NTM: variants seen among roughly 807,000 people sequenced by gnomAD.
NTM encodes IgLON family member 2.
In NTM, 13 loss-of-function variants were observed where a neutral mutation model predicts 42.1. The ratio of observed to expected loss-of-function variants is 0.31; its 90% CI spans 0.20 to 0.49. NTM has a LOEUF of 0.49. NTM is among the 20% of genes least tolerant of loss of function. The pLI is 0.99. For synonymous variants in NTM, 187 were observed against 179.2 expected (o/e 1.04, Z -0.35); for missense variants, 373 against 452.8 (o/e 0.82, Z 1.60).
intron 1 of NTM, among the ~76,000 whole-genome samples, chr11:131,775,661 C>A (rs1388259763): frequency 1.3e-5 from 2 of 152,078 alleles, no homozygotes; most frequent in African/African-American, 4.8e-5. Flanking sequence ...TTAAGCAATT[C>A]TTGGTATATG....
At chr11:131,869,904 G>A (rs1344693301) in intron 1 of NTM, among the ~76,000 whole-genome samples, 1 of 152,186 alleles carries the variant, frequency 6.6e-6, no homozygotes, top group East Asian at 1.9e-4. Context: ...TGTTGGTACA[G>A]CTTTAAGTCA....
At chr11:132,025,098 C>A (rs1339404363) in intron 2 of NTM, among the ~76,000 whole-genome samples, 1 of 152,128 alleles carries the variant, frequency 6.6e-6, no homozygotes, top group Non-Finnish European at 1.5e-5. Flanking sequence ...GATTCAGCTA[C>A]AGAGGGGAGA....
At position 132,307,734 on chromosome 11, in the gene NTM, T is replaced by C; in HGVS notation, c.572T>C (p.Ile191Thr). The C allele has an allele frequency of 6.2e-7, 1 of 1,614,226 alleles. No homozygotes were observed. The highest frequency in any genetic ancestry group is 8.5e-7 in the Non-Finnish European group (1 of 1,180,034). ...GACGAATACTTGGAAATTCAGGGCA[T>C]CACCAGGGAGCAGTCAGGGGACTAC... ...SEDEYLEIQG[I>T]TREQSGDYEC... is the part of the protein sequence containing the mutation. Residue 191 changes from isoleucine (I) to threonine (T), a missense_variant, in exon 5 of 9, where the codon ATC (isoleucine) becomes ACC (threonine). Ile to Thr is a moderately conservative substitution (Grantham distance 89, BLOSUM62 -1). This residue lies in a region of NTM where 312 missense variants were observed against 353.5 expected (regional missense o/e 0.88). Coordinates refer to ENST00000683400, the MANE Select transcript of NTM (RefSeq NM_001352005.2).
rs1331644099 is a variant in NTM, at chr11:131,614,316, G to T, written c.82+243428G>T. ...CCATAAATGCCCCATGCCCAGAAGG[G>T]CCGTGCAGAGTTCGGAAGGAATCCT... On this transcript the variant is annotated intron_variant, in intron 1 of 8. Transcript: ENST00000683400. 5.9e-5 allele frequency among the ~76,000 whole-genome samples: 9 copies of T among 152,242 alleles called. No homozygotes were observed. In the East Asian group the frequency reaches 1.2e-3, roughly 20 times the overall value.
rs976578678 is a variant in NTM, at chr11:131,910,840, C to G, written c.83-724C>G. Reference sequence around the variant, plus strand: ...GCGGCGGCCGCAGCGCGCATTTGGGCTCCGAGGAAGTTGACCGAGGCGGCT... The same window carrying G: ...GCGGCGGCCGCAGCGCGCATTTGGGGTCCGAGGAAGTTGACCGAGGCGGCT... On this transcript the variant is annotated intron_variant, in intron 1 of 8. Transcript: ENST00000683400. 28 of 985,152 alleles carry G rather than the reference C, an allele frequency of 2.8e-5. No homozygotes were observed. In the African/African-American group the frequency reaches 4.9e-4, roughly 17 times the overall value. The allele number at this position is 985,152 out of a possible 1,614,324, so 61.0% of individuals were successfully genotyped here.
chr11:131,863,998 TTGGCAGAATA>T (rs1437278587), intron 1 of NTM, among the ~76,000 whole-genome samples: 1 of 151,922 alleles, frequency 6.6e-6, no homozygotes, highest in East Asian at 1.9e-4. Context: ...AAATGGAGTG[TTGGCAGAATA>T]AGAAATGGAA....
intron 4 of NTM, among the ~76,000 whole-genome samples, chr11:132,217,508 A>G (rs2084148222): frequency 6.6e-6 from 1 of 152,090 alleles, no homozygotes; most frequent in African/African-American, 2.4e-5. Context: ...AGAGATCAAA[A>G]GAGATCTTCC....
At chr11:131,789,745 A>C (rs930885228) in intron 1 of NTM, among the ~76,000 whole-genome samples, 1 of 151,506 alleles carries the variant, frequency 6.6e-6, no homozygotes, top group Admixed American at 6.6e-5. Context: ...TCACGAGGTC[A>C]GGAGATCAAG....
intron 2 of NTM, among the ~76,000 whole-genome samples, chr11:131,930,970 T>G (rs1162155832): frequency 2.0e-5 from 3 of 152,170 alleles, no homozygotes; most frequent in Non-Finnish European, 4.4e-5. Flanking sequence ...TGTGTGTGAG[T>G]ACACAAAACA....
intron 2 of NTM, among the ~76,000 whole-genome samples, chr11:131,986,083 C>T (rs895844717): frequency 6.6e-6 from 1 of 152,226 alleles, no homozygotes; most frequent in African/African-American, 2.4e-5. Flanking sequence ...TATGCTGGAT[C>T]TCTTTGGATC....
At chr11:131,714,805 C>A (rs1469767728) in intron 1 of NTM, among the ~76,000 whole-genome samples, 1 of 152,196 alleles carries the variant, frequency 6.6e-6, no homozygotes, top group Non-Finnish European at 1.5e-5. Context: ...TTGACACCAC[C>A]TTCCTCCCAT....
At chr11:131,667,884 A>G (rs2069361809) in intron 1 of NTM, among the ~76,000 whole-genome samples, 1 of 152,080 alleles carries the variant, frequency 6.6e-6, no homozygotes. Flanking sequence ...CTGCCTGGAG[A>G]CACCCTCTCT....
intron 1 of NTM, among the ~76,000 whole-genome samples, chr11:131,747,954 G>A (rs2082021553): frequency 6.6e-6 from 1 of 152,098 alleles, no homozygotes; most frequent in South Asian, 2.1e-4. Flanking sequence ...GCCCTCCACT[G>A]TACTCGCCGG....
chr11:132,225,262 T>G (rs988735200), intron 4 of NTM, among the ~76,000 whole-genome samples: 1 of 151,028 alleles, frequency 6.6e-6, no homozygotes, highest in Non-Finnish European at 1.5e-5. Context: ...ATTCAATAAA[T>G]AAATATGCAA....
intron 3 of NTM, among the ~76,000 whole-genome samples, chr11:132,166,911 A>C (rs1477551382): frequency 6.6e-6 from 1 of 152,162 alleles, no homozygotes; most frequent in East Asian, 1.9e-4. Flanking sequence ...TCATCTGTTT[A>C]GTGTTTTAGA....
At chr11:132,137,511 A>G (rs1460792254) in intron 2 of NTM, among the ~76,000 whole-genome samples, 1 of 152,200 alleles carries the variant, frequency 6.6e-6, no homozygotes, top group Non-Finnish European at 1.5e-5. Flanking sequence ...CTTATTGCAC[A>G]ACGAACCTGT....
At chr11:132,004,634 T>TCA (rs1555214611) in intron 2 of NTM, among the ~76,000 whole-genome samples, 52 of 104,642 alleles carry the variant, frequency 5.0e-4, no homozygotes, top group Middle Eastern at 5.6e-3. Flanking sequence ...TCTCTCTCTC[T>TCA]CACACACACA....
chr11:132,247,384 G>A (rs1181344948), intron 4 of NTM, among the ~76,000 whole-genome samples: 2 of 152,026 alleles, frequency 1.3e-5, no homozygotes, highest in Non-Finnish European at 2.9e-5. Context: ...TTTTTACATC[G>A]CAAAAATGGG....
At chr11:131,794,680 G>T in intron 1 of NTM, 2 of 985,402 alleles carry the variant, frequency 2.0e-6, no homozygotes, top group Non-Finnish European at 2.4e-6. Context: ...GCACCTTTTA[G>T]AAGTCATTTT....
Sources: allele counts gnomAD v4.1 joint callset (sites outside exome capture counted in the v4.1 genomes callset), GRCh38; gene constraint gnomAD v4.1.1; regional missense constraint gnomAD v4.1.1; transcripts MANE v1.5; gene names NCBI Gene and HGNC (gene_info 2026-07-23, HGNC 2026-07-21).